Variants in KLF7 observed in about 807,000 individuals in gnomAD.
KLF7 encodes the protein KLF transcription factor 7, also known as Krueppel-like factor 7.
Under a neutral mutation model 27.3 loss-of-function variants are expected in KLF7, and 2 were observed. That is an observed-to-expected ratio of 0.07 (90% CI 0.03 to 0.23). The LOEUF (loss-of-function observed/expected upper bound fraction) is 0.23, where lower values mean the gene tolerates loss of function less well. Among genes scored for constraint, KLF7 ranks in the 10% least tolerant of loss-of-function variants. The pLI is 1.00. For synonymous variants in KLF7, 165 were observed against 162.4 expected (o/e 1.02, Z -0.12); for missense variants, 221 against 394.1 (o/e 0.56, Z 3.72).
chr2:207,115,713 C>CA (rs1257943871), intron 2 of KLF7, among the ~76,000 whole-genome samples: 1 of 152,004 alleles, frequency 6.6e-6, no homozygotes, highest in Non-Finnish European at 1.5e-5. Context: ...GGGGGAATGC[C>CA]ATCCCAGTTC....
At chr2:207,085,588 A>C (rs1249702208) in intron 3 of KLF7, among the ~76,000 whole-genome samples, 1 of 152,228 alleles carries the variant, frequency 6.6e-6, no homozygotes, top group Non-Finnish European at 1.5e-5. Context: ...ACATGAAGCC[A>C]GAAGTCACAA....
chr2:207,081,116 C>A lies in KLF7; in HGVS notation c.*97G>T, dbSNP rs1359503081. 4.0e-6 allele frequency: 4 copies of A among 994,338 alleles called. No homozygotes were observed. The highest frequency in any genetic ancestry group is 1.3e-5 in the South Asian group (1 of 77,138). 61.6% of individuals were successfully genotyped at this position (994,338 alleles called of 1,614,324 possible). A position where few individuals can be genotyped will look rare whatever the true frequency, so the allele number is the denominator to read the frequency against. On this transcript the variant is annotated 3_prime_UTR_variant, in exon 4 of 4. Transcript: ENST00000309446. ...GTTTATAAGTGAGAACTTTCTTCTG[C>A]GAGGCAATGGGTCCCCGCCTGAAGT...
At chr2:207,106,486 AGAT>A (rs1440356316) in intron 2 of KLF7, among the ~76,000 whole-genome samples, 1 of 152,252 alleles carries the variant, frequency 6.6e-6, no homozygotes, top group Non-Finnish European at 1.5e-5. Context: ...CATCTATCAC[AGAT>A]GCCTCCCAGG....
intron 2 of KLF7, among the ~76,000 whole-genome samples, chr2:207,098,243 CTT>C (rs1449855895): frequency 3.3e-5 from 5 of 152,064 alleles, no homozygotes; most frequent in Admixed American, 1.3e-4. Flanking sequence ...CCAAATAAAA[CTT>C]AATGTCATCT....
rs575917261 is a variant in KLF7, at chr2:207,147,598, G to A, written c.102+17869C>T. On this transcript the variant is annotated intron_variant, in intron 1 of 3. Coordinates refer to ENST00000309446, the MANE Select transcript of KLF7 (RefSeq NM_003709.4). The stretch of plus-strand genomic sequence containing the variant: ...AGTGGCTGGGGCGGAGGAGTCTGAA[G>A]GCTTCTATCCCCCACTCCACCCTCT... Among the ~76,000 whole-genome samples, 160 of 152,212 alleles carry A rather than the reference G, an allele frequency of 1.1e-3. 1 individual carries two copies. The highest frequency in any genetic ancestry group is 3.7e-3 in the African/African-American group (155 of 41,514).
chr2:207,111,657 C>T (rs1357819718), intron 2 of KLF7, among the ~76,000 whole-genome samples: 1 of 152,186 alleles, frequency 6.6e-6, no homozygotes, highest in Non-Finnish European at 1.5e-5. Flanking sequence ...GGAATACCTC[C>T]TTTCTTCATT....
intron 1 of KLF7, chr2:207,148,929 C>G: frequency 1.2e-6 from 1 of 819,760 alleles, no homozygotes; most frequent in South Asian, 3.2e-5. Flanking sequence ...TCACCTGATT[C>G]CCCATTCTCT....
Position 207,114,294 on chromosome 2 carries a change from T to C in KLF7, c.733+9480A>G, listed in dbSNP as rs78957536. 3.6e-3 allele frequency among the ~76,000 whole-genome samples: 545 copies of C among 152,330 alleles called. 6 individuals are homozygous for C. Among genetic ancestry groups the C allele is most frequent in the East Asian group, 0.032 (167 of 5,184 alleles). On this transcript the variant is annotated intron_variant, in intron 2 of 3. Transcript: ENST00000309446. Reference sequence around the variant, plus strand: ...CTAGTTTCAACAGGCTCATGACCAATTGAGAATTCAATATGAGGGATCATT... The same window carrying C: ...CTAGTTTCAACAGGCTCATGACCAACTGAGAATTCAATATGAGGGATCATT...
At chr2:207,090,856 C>T (rs1385831039) in intron 2 of KLF7, among the ~76,000 whole-genome samples, 1 of 152,098 alleles carries the variant, frequency 6.6e-6, no homozygotes, top group African/African-American at 2.4e-5. Flanking sequence ...ACCCACTAGG[C>T]TCTGTTATCT....
At chr2:207,134,130 C>T (rs947952655) in intron 1 of KLF7, 2 of 1,522,940 alleles carry the variant, frequency 1.3e-6, no homozygotes, top group Admixed American at 2.1e-5. Context: ...AAATCACTTG[C>T]ACAGGCTGAC....
In KLF7 at chr2:207,125,524, T is replaced by C. The variant is rs142446057; in HGVS notation, c.103-1120A>G. On this transcript the variant is annotated intron_variant, in intron 1 of 3. Transcript: ENST00000309446. ...AAAGCTCCTATGTTTTCAACTGATG[T>C]TCTGATTCTAGGCATTTATTCTGTT... Among the ~76,000 whole-genome samples, 1,407 of 152,368 alleles carry C rather than the reference T, an allele frequency of 9.2e-3. 14 individuals carry two copies. Among genetic ancestry groups the C allele is most frequent in the Non-Finnish European group, 0.015 (1,034 of 68,032 alleles).
chr2:207,111,602 C>G (rs142708533), intron 2 of KLF7, among the ~76,000 whole-genome samples: 1 of 152,196 alleles, frequency 6.6e-6, no homozygotes, highest in Non-Finnish European at 1.5e-5. Context: ...ATTAGCAAAG[C>G]AGGTTTTCAG....
chr2:207,147,679 C>T (rs1013492711), intron 1 of KLF7, among the ~76,000 whole-genome samples: 15 of 152,224 alleles, frequency 9.9e-5, no homozygotes, highest in African/African-American at 3.1e-4. Flanking sequence ...GGTGTTCTTA[C>T]GACCACACCC....
intron 2 of KLF7, among the ~76,000 whole-genome samples, chr2:207,096,400 T>C (rs1285429058): frequency 6.6e-6 from 1 of 152,224 alleles, no homozygotes; most frequent in East Asian, 1.9e-4. Flanking sequence ...TTATTAAAAA[T>C]GCAGATTCCG....
rs1449554901 is a variant in KLF7, at chr2:207,080,897, T to C, written c.*316A>G. On this transcript the variant is annotated 3_prime_UTR_variant, in exon 4 of 4. Transcript: ENST00000309446. Reference sequence around the variant, plus strand: ...TGGCAACAGCGGGAAATAATTCCAATAGTGCTGAAGTAAGCAGCCAGTCTG... The same window carrying C: ...TGGCAACAGCGGGAAATAATTCCAACAGTGCTGAAGTAAGCAGCCAGTCTG... 7.2e-6 allele frequency: 3 copies of C among 413,950 alleles called. No individual in the cohort carries two copies. Among genetic ancestry groups the C allele is most frequent in the African/African-American group, 2.0e-5 (1 of 48,942 alleles). The allele number at this position is 413,950 out of a possible 1,614,324, so 25.6% of individuals were successfully genotyped here.
In KLF7 at chr2:207,126,227, C is replaced by T. The variant is rs1353906864; in HGVS notation, c.103-1823G>A. 2.6e-5 allele frequency among the ~76,000 whole-genome samples: 4 copies of T among 152,182 alleles called. No individual in the cohort carries two copies. The East Asian group carries it at 7.7e-4, about 29-fold the overall frequency. ...TCTCATTGCTAGAAATTATCACTTA[C>T]ATCTCTCCAATATTGAAGCCCTCAG... On this transcript the variant is annotated intron_variant, in intron 1 of 3. Transcript: ENST00000309446.
chr2:207,109,812 C>CTA (rs1460780845), intron 2 of KLF7, among the ~76,000 whole-genome samples: 1 of 152,148 alleles, frequency 6.6e-6, no homozygotes, highest in Non-Finnish European at 1.5e-5. Flanking sequence ...CCTACTGGAT[C>CTA]TAAAACTAAG....
chr2:207,167,101 C>A, upstream of KLF7: 2 of 1,403,752 alleles, frequency 1.4e-6, no homozygotes, highest in Non-Finnish European at 1.9e-6. Context: ...AAGCTGGAGC[C>A]GGCAGCTTGC....
At chr2:207,121,550 G>A (rs903347262) in intron 2 of KLF7, 1 of 152,180 alleles carries the variant, frequency 6.6e-6, no homozygotes, top group Non-Finnish European at 1.5e-5. Flanking sequence ...GCGACAGTGC[G>A]AGGACATAAA....
Sources: allele counts gnomAD v4.1 joint callset (sites outside exome capture counted in the v4.1 genomes callset), GRCh38; gene constraint gnomAD v4.1.1; transcripts MANE v1.5; gene names NCBI Gene and HGNC (gene_info 2026-07-23, HGNC 2026-07-21).